UNC5C: variants seen among roughly 807,000 people sequenced by gnomAD.
UNC5C encodes the protein unc-5 netrin receptor C, also known as netrin receptor UNC5C.
UNC5C carries 47 observed loss-of-function variants against 99.8 expected under a neutral mutation model. The observed-to-expected ratio is 0.47, with a 90% CI of 0.37 to 0.60. The LOEUF is 0.60. Ranked by LOEUF, UNC5C falls within the 20% of genes least tolerant of loss-of-function variation. UNC5C has a pLI of 0.00. For missense variants in UNC5C, 1,062 were observed against 1,165.9 expected (o/e 0.91, Z 1.30); for synonymous variants, 487 against 452.2 (o/e 1.08, Z -0.98).
chr4:95,288,108 A>T (rs983746414), intron 3 of UNC5C, among the ~76,000 whole-genome samples: 1 of 58,914 alleles, frequency 1.7e-5, no homozygotes, highest in Non-Finnish European at 3.4e-5. Context: ...TTTGAGAGGG[A>T]GTCTCGCTCT....
At chr4:95,213,091 T>C (rs959443902) in intron 10 of UNC5C, among the ~76,000 whole-genome samples, 4 of 152,240 alleles carry the variant, frequency 2.6e-5, no homozygotes, top group Non-Finnish European at 5.9e-5. Flanking sequence ...GCTCAGAAAC[T>C]TTCCATGGCT....
At chr4:95,518,534 T>A (rs1722272910) in intron 1 of UNC5C, among the ~76,000 whole-genome samples, 1 of 152,170 alleles carries the variant, frequency 6.6e-6, no homozygotes. Context: ...AGTCCCAATG[T>A]TACATAGATA....
chr4:95,291,089 T>C (rs1741426238), intron 3 of UNC5C, among the ~76,000 whole-genome samples: 1 of 152,176 alleles, frequency 6.6e-6, no homozygotes, highest in Non-Finnish European at 1.5e-5. Flanking sequence ...CAGATAGTCT[T>C]GTTAAAGAGT....
chr4:95,175,963 A>AAAC (rs1337668463), intron 14 of UNC5C, among the ~76,000 whole-genome samples: 1 of 151,424 alleles, frequency 6.6e-6, no homozygotes, highest in Non-Finnish European at 1.5e-5. Flanking sequence ...TTTTTTCTCT[A>AAAC]AACTTCCTTC....
At chr4:95,250,753 T>C in intron 4 of UNC5C, 86 bp from the exon 5 acceptor site, 1 of 1,375,696 alleles carries the variant, frequency 7.3e-7, no homozygotes, top group East Asian at 2.3e-5. Flanking sequence ...GTACACTTGA[T>C]CTTAGCCAAA....
At chr4:95,282,442 T>A (rs1741093314) in intron 3 of UNC5C, among the ~76,000 whole-genome samples, 1 of 152,102 alleles carries the variant, frequency 6.6e-6, no homozygotes, top group African/African-American at 2.4e-5. Context: ...AAGTTCTCCT[T>A]AGCCCTCTGA....
At chr4:95,202,013 A>G (rs1012901935) in intron 12 of UNC5C, among the ~76,000 whole-genome samples, 3 of 152,120 alleles carry the variant, frequency 2.0e-5, no homozygotes, top group Non-Finnish European at 4.4e-5. Context: ...ATCCTCCATT[A>G]GGGCCAATCA....
intron 1 of UNC5C, among the ~76,000 whole-genome samples, chr4:95,524,281 G>A (rs1722440493): frequency 6.6e-6 from 1 of 152,140 alleles, no homozygotes; most frequent in Non-Finnish European, 1.5e-5. Context: ...CTTCAAACTG[G>A]TAGAGCCTCA....
At chr4:95,395,043 G>A (rs1176793174) in intron 1 of UNC5C, among the ~76,000 whole-genome samples, 2 of 152,156 alleles carry the variant, frequency 1.3e-5, no homozygotes, top group Non-Finnish European at 2.9e-5. Flanking sequence ...TCACCAGTCT[G>A]CTTCTTCAGC....
intron 1 of UNC5C, among the ~76,000 whole-genome samples, chr4:95,519,935 T>A (rs1462862759): frequency 6.6e-6 from 1 of 152,068 alleles, no homozygotes; most frequent in Non-Finnish European, 1.5e-5. Flanking sequence ...CCCAAAAGAG[T>A]CATTAACCCA....
At chr4:95,320,291 G>A (rs905999923) in intron 2 of UNC5C, among the ~76,000 whole-genome samples, 25 of 151,868 alleles carry the variant, frequency 1.6e-4, no homozygotes, top group East Asian at 9.7e-4. Context: ...GTGTGGTGGC[G>A]GGCGCCTATA....
chr4:95,188,481 T>TGTC (rs953277832), intron 12 of UNC5C, among the ~76,000 whole-genome samples: 8 of 152,194 alleles, frequency 5.3e-5, no homozygotes, highest in African/African-American at 1.7e-4. Context: ...TAGAGTTTTG[T>TGTC]GTCAGATGAT....
intron 1 of UNC5C, among the ~76,000 whole-genome samples, chr4:95,376,108 C>T (rs1212752634): frequency 1.3e-5 from 2 of 151,846 alleles, no homozygotes; most frequent in Non-Finnish European, 2.9e-5. Flanking sequence ...TAAACAGAAT[C>T]AATGTTTGAT....
chr4:95,414,651 C>T (rs576060496), intron 1 of UNC5C, among the ~76,000 whole-genome samples: 13 of 152,316 alleles, frequency 8.5e-5, no homozygotes, highest in Admixed American at 6.5e-4. Flanking sequence ...AACCCTTAGT[C>T]CACATTCTAT....
chr4:95,298,688 A>T (rs1741761830), intron 3 of UNC5C, among the ~76,000 whole-genome samples: 1 of 152,070 alleles, frequency 6.6e-6, no homozygotes, highest in Non-Finnish European at 1.5e-5. Flanking sequence ...AGACCTGATG[A>T]TCATTCATTT....
chr4:95,228,632 C>T (rs941631273), intron 7 of UNC5C, among the ~76,000 whole-genome samples: 6 of 152,150 alleles, frequency 3.9e-5, no homozygotes, highest in Non-Finnish European at 5.9e-5. Context: ...ACACCTCCAC[C>T]GTCCTTCTTA....
At chr4:95,359,398 T>G (rs897881345) in intron 1 of UNC5C, among the ~76,000 whole-genome samples, 2 of 152,080 alleles carry the variant, frequency 1.3e-5, no homozygotes, top group Non-Finnish European at 2.9e-5. Context: ...CAAAAAAAAT[T>G]GGATGAGATT....
Position 95,298,632 on chromosome 4 carries a change from C to T in UNC5C, c.490+2974G>A, listed in dbSNP as rs192059612. 2.7e-4 allele frequency among the ~76,000 whole-genome samples: 41 copies of T among 152,242 alleles called. No homozygotes were observed. The East Asian group carries it at 3.9e-3, about 14-fold the overall frequency. ...CACTCCCTCCCAGCCCTACAAATTC[C>T]CTTTTCCTGCTGTATTTTTTCTTCG... On this transcript the variant is annotated intron_variant, in intron 3 of 15. Transcript: ENST00000453304.
chr4:95,346,278 C>T (rs536891222), intron 1 of UNC5C, among the ~76,000 whole-genome samples: 1 of 151,752 alleles, frequency 6.6e-6, no homozygotes, highest in Non-Finnish European at 1.5e-5. Flanking sequence ...AAGGGGATCA[C>T]AGAAGTAATA....
Sources: gnomAD v4.1 joint callset for allele counts (sites outside exome capture counted in the v4.1 genomes callset) on GRCh38, gnomAD v4.1.1 for gene constraint, MANE v1.5 for transcripts, NCBI Gene and HGNC (gene_info 2026-07-23, HGNC 2026-07-21) for gene names.